MAPKAP1: variants seen among roughly 807,000 people sequenced by gnomAD.
The protein encoded by MAPKAP1 is MAPK associated protein 1.
A neutral mutation model predicts 65.7 loss-of-function variants in MAPKAP1; 20 were observed. That is an observed-to-expected ratio of 0.30 (90% CI 0.21 to 0.44). The LOEUF is 0.44. MAPKAP1 is among the 20% of genes least tolerant of loss of function. MAPKAP1 has a pLI of 1.00. For missense variants in MAPKAP1, 423 were observed against 648.0 expected, an observed-to-expected ratio of 0.65 and a Z score of 3.77; for synonymous variants, 222 against 244.3, an observed-to-expected ratio of 0.91 and a Z score of 0.85.
At chr9:125,579,924 C>T (rs532349489) in intron 5 of MAPKAP1, among the ~76,000 whole-genome samples, 2 of 152,188 alleles carry the variant, frequency 1.3e-5, no homozygotes, top group South Asian at 4.2e-4. Flanking sequence ...TCATGTAATT[C>T]GAAATATGGA....
At chr9:125,590,573 C>G (rs576721890) in intron 4 of MAPKAP1, among the ~76,000 whole-genome samples, 1 of 151,690 alleles carries the variant, frequency 6.6e-6, no homozygotes, top group Non-Finnish European at 1.5e-5. Context: ...TTGCTTGCAA[C>G]TGGGAGGCAG....
chr9:125,465,242 T>C (rs1398218205), intron 10 of MAPKAP1, among the ~76,000 whole-genome samples: 1 of 152,240 alleles, frequency 6.6e-6, no homozygotes, highest in African/African-American at 2.4e-5. Context: ...AGAACAATTT[T>C]TGATGTAAAC....
chr9:125,608,366 T>C (rs1832501031), intron 4 of MAPKAP1, among the ~76,000 whole-genome samples: 1 of 152,154 alleles, frequency 6.6e-6, no homozygotes, highest in Non-Finnish European at 1.5e-5. Context: ...CAAGCCATCA[T>C]AGCAAGGGAA....
intron 1 of MAPKAP1, among the ~76,000 whole-genome samples, chr9:125,693,506 CACAT>C (rs1302692400): frequency 1.3e-4 from 18 of 141,224 alleles, no homozygotes; most frequent in Non-Finnish European, 2.5e-4. Flanking sequence ...CACATATATA[CACAT>C]ACACACACAT....
intron 10 of MAPKAP1, among the ~76,000 whole-genome samples, chr9:125,467,347 G>A (rs1412586833): frequency 1.3e-5 from 2 of 152,168 alleles, no homozygotes; most frequent in African/African-American, 4.8e-5. Flanking sequence ...TTACTTAACT[G>A]CAAAAGTATA....
chr9:125,547,856 T>C (rs1165450088), intron 6 of MAPKAP1, among the ~76,000 whole-genome samples: 3 of 152,362 alleles, frequency 2.0e-5, no homozygotes, highest in South Asian at 4.1e-4. Flanking sequence ...GTGTTAACTA[T>C]GAAGCAGGTA....
At chr9:125,706,584 T>C (rs1301216931) in intron 1 of MAPKAP1, among the ~76,000 whole-genome samples, 1 of 151,938 alleles carries the variant, frequency 6.6e-6, no homozygotes, top group Non-Finnish European at 1.5e-5. Flanking sequence ...TGTTAACCTC[T>C]TTAAGGGGGA....
chr9:125,590,904 G>C (rs1831940037), intron 4 of MAPKAP1, among the ~76,000 whole-genome samples: 1 of 151,898 alleles, frequency 6.6e-6, no homozygotes, highest in African/African-American at 2.4e-5. Context: ...CACCCAAATA[G>C]CTGAGATTGC....
chr9:125,703,123 G>A (rs544532224), intron 1 of MAPKAP1, among the ~76,000 whole-genome samples: 1 of 152,138 alleles, frequency 6.6e-6, no homozygotes, highest in Non-Finnish European at 1.5e-5. Flanking sequence ...TTCCTCACAT[G>A]GCAACAAGCA....
chr9:125,444,716 C>A, intron 10 of MAPKAP1, 118 bp from the exon 11 acceptor site: 1 of 662,332 alleles, frequency 1.5e-6, no homozygotes, highest in East Asian at 2.8e-5. Flanking sequence ...TGAGCAGCAC[C>A]TAGTCTTCCC....
chr9:125,548,197 A>G (rs1431792397), intron 6 of MAPKAP1, among the ~76,000 whole-genome samples: 1 of 152,214 alleles, frequency 6.6e-6, no homozygotes, highest in Admixed American at 6.5e-5. Context: ...CCTGTTTTGG[A>G]TTCAGAAATC....
At chr9:125,614,223 G>A (rs992737472) in intron 4 of MAPKAP1, among the ~76,000 whole-genome samples, 1 of 152,128 alleles carries the variant, frequency 6.6e-6, no homozygotes, top group Non-Finnish European at 1.5e-5. Context: ...ATAAATATTA[G>A]CAAACCAACC....
At chr9:125,635,747 A>G (rs1038053647) in intron 4 of MAPKAP1, among the ~76,000 whole-genome samples, 24 of 152,204 alleles carry the variant, frequency 1.6e-4, no homozygotes, top group African/African-American at 5.8e-4. Context: ...AGAGAGATAC[A>G]ATCATGAAAT....
rs767951160 is a variant in MAPKAP1, at chr9:125,447,419, C to T, written c.1346-2821G>A. On this transcript the variant is annotated intron_variant, in intron 10 of 11. Transcript: ENST00000265960. This position sits in a 1 kb window ranked among gnomAD's most constrained non-coding sequence, Gnocchi z 4.5. ...CACAGCTGCAAAGTTAATCACTGGG[C>T]CGAGGCACGGTGGACAGCCACAGCA... The T allele has an allele frequency of 2.2e-6, 1 of 456,670 alleles. No homozygotes were observed. The highest frequency in any genetic ancestry group is 1.5e-5 in the South Asian group (1 of 64,574). 28.3% of individuals were successfully genotyped at this position (456,670 alleles called of 1,614,324 possible). A position where few individuals can be genotyped will look rare whatever the true frequency, so the allele number is the denominator to read the frequency against.
intron 4 of MAPKAP1, among the ~76,000 whole-genome samples, chr9:125,643,215 G>GA (rs1564598196): frequency 6.7e-6 from 1 of 150,214 alleles, no homozygotes; most frequent in African/African-American, 2.5e-5. Context: ...TTTTTGGGGG[G>GA]AGGGAGTCTC....
intron 1 of MAPKAP1, among the ~76,000 whole-genome samples, chr9:125,677,059 G>GCTATT (rs1168124558): frequency 1.3e-5 from 2 of 152,146 alleles, no homozygotes; most frequent in Admixed American, 6.5e-5. Context: ...GTTTAGAAAT[G>GCTATT]CTATTCTACA....
At chr9:125,657,896 C>T in intron 3 of MAPKAP1, 97 bp from the exon 4 acceptor site, 1 of 1,137,102 alleles carries the variant, frequency 8.8e-7, no homozygotes, top group South Asian at 1.4e-5. Flanking sequence ...AAGGAAGGAG[C>T]ATCCAGAGAC....
intron 5 of MAPKAP1, among the ~76,000 whole-genome samples, chr9:125,567,403 G>C (rs75642807): frequency 2.0e-5 from 3 of 152,124 alleles, no homozygotes; most frequent in African/African-American, 7.2e-5. Context: ...CAACAAGAGC[G>C]ACCTCTGGTC....
chr9:125,471,109 C>T (rs1050806942), intron 9 of MAPKAP1: 6 of 152,248 alleles, frequency 3.9e-5, no homozygotes, highest in African/African-American at 1.4e-4. Context: ...TGAGTCTCAG[C>T]TTCTTAAGGC....
Sources: allele counts gnomAD v4.1 joint callset (sites outside exome capture counted in the v4.1 genomes callset), GRCh38; gene constraint gnomAD v4.1.1; non-coding constraint Gnocchi (gnomAD v3.1); transcripts MANE v1.5; gene names NCBI Gene and HGNC (gene_info 2026-07-23, HGNC 2026-07-21).